Variants in PRSS12 observed in about 807,000 individuals in gnomAD.
PRSS12 encodes the protein serine protease 12, also known as neurotrypsin.
In PRSS12, 85 loss-of-function variants were observed where a neutral mutation model predicts 104.4. The observed-to-expected ratio is 0.81, with a 90% CI of 0.68 to 0.98. The LOEUF (loss-of-function observed/expected upper bound fraction) is 0.98. PRSS12 is among the 50% of genes least tolerant of loss of function. The pLI is 0.00. For synonymous variants in PRSS12, 454 were observed against 425.2 expected, an observed-to-expected ratio of 1.07 and a Z score of -0.83; for missense variants, 1,141 against 1,139.2, an observed-to-expected ratio of 1.00 and a Z score of -0.02.
At chr4:118,324,135 A>G (rs1229402869) in intron 4 of PRSS12, among the ~76,000 whole-genome samples, 2 of 152,018 alleles carry the variant, frequency 1.3e-5, no homozygotes, top group African/African-American at 2.4e-5. Context: ...CCTGAACTCA[A>G]GCAATCTGCC....
chr4:118,290,792 T>C (rs747655337), intron 11 of PRSS12, among the ~76,000 whole-genome samples: 2 of 152,126 alleles, frequency 1.3e-5, no homozygotes, highest in Non-Finnish European at 2.9e-5. Context: ...CCTTCTGTTG[T>C]ATTGTACCAG....
intron 1 of PRSS12, among the ~76,000 whole-genome samples, chr4:118,344,984 C>G (rs1724321593): frequency 6.6e-6 from 1 of 152,110 alleles, no homozygotes; most frequent in Non-Finnish European, 1.5e-5. Context: ...CAATAATCTT[C>G]TTGTCTCCCA....
In PRSS12 at chr4:118,335,559, T is replaced by C. The variant is rs1189242437; in HGVS notation, c.734A>G (p.Asn245Ser). Reference protein sequence around the residue: ...SNVRCRGDEENILLCEKDIWQ... With the variant: ...SNVRCRGDEESILLCEKDIWQ... ...GATGTCTTTTTCACAAAGCAGTATA[T>C]TTTCTTCATCTCCTCGGCAACGGAC... Residue 245 changes from asparagine (N) to serine (S), a missense_variant, in exon 3 of 13, where the codon AAT becomes AGT. Transcript: ENST00000296498. 2.7e-5 allele frequency: 44 copies of C among 1,613,980 alleles called. No homozygotes were observed. The highest frequency in any genetic ancestry group is 3.6e-5 in the Non-Finnish European group (43 of 1,179,992).
intron 4 of PRSS12, among the ~76,000 whole-genome samples, chr4:118,329,412 C>A (rs1416389569): frequency 6.6e-6 from 1 of 152,096 alleles, no homozygotes; most frequent in African/African-American, 2.4e-5. Flanking sequence ...CCTAAAAGTT[C>A]TTAATATTTT....
At position 118,311,136 on chromosome 4, in the gene PRSS12, A is replaced by G. The variant is rs559250330; in HGVS notation, c.1489+2065T>C. ...GAGGCAACAACCTCACTGGGAAAGA[A>G]ATCTTTGCCAGGACTTAATACTCTG... On this transcript the variant is annotated intron_variant, in intron 7 of 12. Coordinates refer to ENST00000296498, the MANE Select transcript of PRSS12 (RefSeq NM_003619.4). Among the ~76,000 whole-genome samples, 3 of 152,278 alleles carry G rather than the reference A, an allele frequency of 2.0e-5. No individual in the cohort carries two copies. In the East Asian group the frequency reaches 5.8e-4, roughly 29 times the overall value.
chr4:118,335,108 T>C (rs1724026545), intron 3 of PRSS12, among the ~76,000 whole-genome samples: 1 of 152,236 alleles, frequency 6.6e-6, no homozygotes, highest in Non-Finnish European at 1.5e-5. Context: ...TGCTGTATTC[T>C]ATATTTACTT....
At chr4:118,285,555 T>A (rs557891706) in intron 11 of PRSS12, among the ~76,000 whole-genome samples, 1 of 152,166 alleles carries the variant, frequency 6.6e-6, no homozygotes, top group Non-Finnish European at 1.5e-5. Context: ...TAGTGCCCGA[T>A]ATAGTAGCCA....
At chr4:118,307,750 G>A (rs1163441870) in intron 8 of PRSS12, among the ~76,000 whole-genome samples, 5 of 152,072 alleles carry the variant, frequency 3.3e-5, no homozygotes, top group Non-Finnish European at 7.4e-5. Flanking sequence ...TGTAACTCAC[G>A]CCTGAGGGAA....
At chr4:118,299,054 A>G in intron 8 of PRSS12, 116 bp from the exon 9 acceptor site, 1 of 1,190,868 alleles carries the variant, frequency 8.4e-7, no homozygotes, top group Non-Finnish European at 1.2e-6. Flanking sequence ...TAGCATCTGC[A>G]TGTGCTAAAA....
At chr4:118,336,430 T>C (rs1317248934) in intron 2 of PRSS12, among the ~76,000 whole-genome samples, 2 of 152,202 alleles carry the variant, frequency 1.3e-5, no homozygotes, top group Admixed American at 6.5e-5. Context: ...CTGATTAACA[T>C]GGTAATCTCT....
chr4:118,320,947 C>A (rs77788789), intron 4 of PRSS12, among the ~76,000 whole-genome samples: 6,783 of 152,100 alleles, frequency 0.045, 232 homozygotes, highest in South Asian at 0.14. Context: ...ATGGCTTAAG[C>A]AAAATATTTT....
At chr4:118,290,263 A>G (rs966268192) in intron 11 of PRSS12, among the ~76,000 whole-genome samples, 1 of 152,206 alleles carries the variant, frequency 6.6e-6, no homozygotes, top group Non-Finnish European at 1.5e-5. Context: ...CAGGGAACCC[A>G]AAAGTTAAAG....
intron 7 of PRSS12, chr4:118,312,826 T>A (rs1353478472): frequency 1.1e-5 from 3 of 269,176 alleles, no homozygotes; most frequent in Non-Finnish European, 2.2e-5. Context: ...ATATTCTTAT[T>A]TTAAATCCTA....
rs1743910245 is a variant in PRSS12 at position 118,316,317 on chromosome 4, A to T, written c.1157T>A (p.Val386Asp). The T allele has an allele frequency of 6.2e-7, 1 of 1,613,852 alleles. No homozygotes were observed. The change falls in exon 6 of 13, where the codon GTC (valine) becomes GAC (aspartate). Residue 386 changes from valine to aspartate, a missense_variant. Transcript: ENST00000296498. ...GCCTTTCCCACCTGCAAGTCTGATG[A>T]CCCCATCTGTGATAAAGAGGAGACA... ...GVSCTPLTDG[V>D]IRLAGGKGSH...
chr4:118,318,608 C>A, intron 4 of PRSS12, 52 bp from the exon 5 acceptor site: 4 of 1,553,650 alleles, frequency 2.6e-6, no homozygotes, highest in South Asian at 2.3e-5. Flanking sequence ...AAAGATTGGT[C>A]TTTTATTTTT....
chr4:118,345,080 C>T (rs1724324738), intron 1 of PRSS12, among the ~76,000 whole-genome samples: 2 of 152,132 alleles, frequency 1.3e-5, no homozygotes, highest in Non-Finnish European at 2.9e-5. Flanking sequence ...AACCAGAGGA[C>T]AAAGGTGAAT....
rs1742828544 is a variant in PRSS12 at position 118,280,850 on chromosome 4, T to A, written c.*1086A>T. The A allele has an allele frequency of 1.3e-5, 2 of 152,228 alleles. No individual in the cohort carries two copies. Among genetic ancestry groups the A allele is most frequent in the Non-Finnish European group, 2.9e-5 (2 of 68,040 alleles). The allele number at this position is 152,228 out of a possible 1,614,324, so 9.4% of individuals were successfully genotyped here. On this transcript the variant is annotated 3_prime_UTR_variant, in exon 13 of 13. Coordinates refer to ENST00000296498, the MANE Select transcript of PRSS12 (RefSeq NM_003619.4). Reference sequence around the variant, plus strand: ...AATCAGTTTCACCAACTGGTCTCACTTTGAGGCAAGCCTGTTTTCCCCCAT... The same window carrying A: ...AATCAGTTTCACCAACTGGTCTCACATTGAGGCAAGCCTGTTTTCCCCCAT...
chr4:118,313,954 T>C, intron 6 of PRSS12, among the ~76,000 whole-genome samples: 1 of 152,220 alleles, frequency 6.6e-6, no homozygotes. Flanking sequence ...TTTAAAATGT[T>C]TATCAATTAT....
intron 8 of PRSS12, 108 bp from the exon 9 acceptor site, chr4:118,299,046 G>A (rs1377658279): frequency 8.2e-7 from 1 of 1,219,042 alleles, no homozygotes; most frequent in African/African-American, 1.5e-5. Flanking sequence ...ATTAAAATTA[G>A]CATCTGCATG....
Sources: gnomAD v4.1 joint callset for allele counts (sites outside exome capture counted in the v4.1 genomes callset) on GRCh38, gnomAD v4.1.1 for gene constraint, MANE v1.5 for transcripts, NCBI Gene and HGNC (gene_info 2026-07-23, HGNC 2026-07-21) for gene names.